The following LPCAT1 variants were observed in gnomAD, a reference collection of about 807,000 sequenced individuals.
The protein encoded by LPCAT1 is 1-acylglycerol-3-phosphate O-acyltransferase.
Under a neutral mutation model 60.9 loss-of-function variants are expected in LPCAT1, and 23 were observed. The ratio of observed to expected loss-of-function variants is 0.38; its 90% CI spans 0.27 to 0.53. The LOEUF (loss-of-function observed/expected upper bound fraction) is 0.53, where lower values mean the gene tolerates loss of function less well. LPCAT1 is among the 20% of genes least tolerant of loss of function. LPCAT1 has a pLI of 0.82. For synonymous variants in LPCAT1, 340 were observed against 301.1 expected (o/e 1.13, Z -1.34); for missense variants, 622 against 723.6 (o/e 0.86, Z 1.61).
rs116823453 is a variant in LPCAT1 at position 1,477,673 on chromosome 5, C to T, written c.817-187G>A. ...ACCCCCATGATGCATGAACTGCACACGTGTGCACCTGAACACTCACCCTCA... is the reference window on the plus strand; with the variant it reads ...ACCCCCATGATGCATGAACTGCACATGTGTGCACCTGAACACTCACCCTCA... On this transcript the variant is annotated intron_variant, in intron 8 of 13. Transcript: ENST00000283415. The surrounding 1 kb of genome is among the most constrained non-coding windows in gnomAD (Gnocchi z 6.0). 3.7e-4 allele frequency among the ~76,000 whole-genome samples: 57 copies of T among 152,358 alleles called. No homozygotes were observed. Among genetic ancestry groups the T allele is most frequent in the African/African-American group, 1.3e-3 (56 of 41,584 alleles).
In LPCAT1 at chr5:1,501,583, C is replaced by A. The variant is rs139981388; in HGVS notation, c.156G>T (p.Thr52=). Residue 52 remains threonine, a synonymous_variant, in exon 2 of 14, where the codon ACG becomes ACT. Transcript: ENST00000283415. ...QKAQVALMTL[T]LFPVRLLVAA... Reference sequence around the variant, plus strand: ...CAACCAGGAGCCGGACCGGGAAGAGCGTCAGTGTCATGAGGGCCACCTGCA... The same window carrying A: ...CAACCAGGAGCCGGACCGGGAAGAGAGTCAGTGTCATGAGGGCCACCTGCA... The A allele has an allele frequency of 3.7e-6, 6 of 1,613,836 alleles. No individual in the cohort carries two copies. In the South Asian group the frequency reaches 4.4e-5, roughly 12 times the overall value.
chr5:1,464,618 A>T (rs1157530201), intron 13 of LPCAT1, among the ~76,000 whole-genome samples: 1 of 151,520 alleles, frequency 6.6e-6, no homozygotes, highest in Admixed American at 6.6e-5. Flanking sequence ...CAAAACAAGC[A>T]CACACACGGT....
At chr5:1,508,878 C>T (rs774802449) in intron 1 of LPCAT1, among the ~76,000 whole-genome samples, 2 of 152,220 alleles carry the variant, frequency 1.3e-5, no homozygotes, top group East Asian at 1.9e-4. Context: ...CCACCAGGGC[C>T]GTAAGCAGCC....
intron 2 of LPCAT1, among the ~76,000 whole-genome samples, chr5:1,501,169 C>T (rs866154435): frequency 6.6e-6 from 1 of 152,176 alleles, no homozygotes; most frequent in Non-Finnish European, 1.5e-5. Context: ...GAGAAGGCTA[C>T]GGTGTAGGGG....
intron 5 of LPCAT1, among the ~76,000 whole-genome samples, 186 bp downstream of exon 5, chr5:1,488,205 A>G (rs1406014049): frequency 2.0e-5 from 3 of 152,188 alleles, no homozygotes; most frequent in Non-Finnish European, 2.9e-5. Flanking sequence ...TCCTGCAAAC[A>G]TGATAATCCT....
At chr5:1,520,628 A>C (rs1219864261) in intron 1 of LPCAT1, among the ~76,000 whole-genome samples, 1 of 152,144 alleles carries the variant, frequency 6.6e-6, no homozygotes, top group Non-Finnish European at 1.5e-5. Flanking sequence ...TGGGAGGCCG[A>C]GGCGGGAGGA....
At position 1,483,373 on chromosome 5, in the gene LPCAT1, T is replaced by C; in HGVS notation, c.726+55A>G. ...ACAGGTGCACAGAGGCAGCTCGCAG[T>C]TCCCGTTTCCCGGAGAATTCCCCTG... On this transcript the variant is annotated intron_variant, in intron 6 of 13. Transcript: ENST00000283415. This position sits in a 1 kb window ranked among gnomAD's most constrained non-coding sequence, Gnocchi z 9.2. 1 of 1,572,514 alleles carries C rather than the reference T, an allele frequency of 6.4e-7. No individual in the cohort carries two copies.
At chr5:1,499,310 G>T (rs560779378) in intron 2 of LPCAT1, among the ~76,000 whole-genome samples, 1 of 152,278 alleles carries the variant, frequency 6.6e-6, no homozygotes, top group Admixed American at 6.5e-5. Flanking sequence ...GGCCCAACAA[G>T]GACATGGGGA....
At chr5:1,512,851 A>C (rs1736397177) in intron 1 of LPCAT1, among the ~76,000 whole-genome samples, 1 of 152,262 alleles carries the variant, frequency 6.6e-6, no homozygotes, top group African/African-American at 2.4e-5. Context: ...GAGCACCTGC[A>C]ATGTGCACTC....
intron 5 of LPCAT1, among the ~76,000 whole-genome samples, chr5:1,486,647 A>G (rs1735381782): frequency 6.6e-6 from 1 of 152,102 alleles, no homozygotes; most frequent in Non-Finnish European, 1.5e-5. Flanking sequence ...ACGGCTCTGG[A>G]GGGCTCCACC....
chr5:1,483,968 G>A lies in LPCAT1; in HGVS notation c.668-482C>T, dbSNP rs1028270662. On this transcript the variant is annotated intron_variant, in intron 5 of 13. Coordinates refer to ENST00000283415, the MANE Select transcript of LPCAT1 (RefSeq NM_024830.5). The surrounding 1 kb of genome is among the most constrained non-coding windows in gnomAD (Gnocchi z 9.2). The stretch of plus-strand genomic sequence containing the variant: ...AGCTGGAAGGCGTTGGTGGGAAGTG[G>A]GGGTCCTCATCACCGGCCAATGCTC... Among the ~76,000 whole-genome samples the A allele has an allele frequency of 1.3e-5, 2 of 152,224 alleles. No homozygotes were observed. Among genetic ancestry groups the A allele is most frequent in the Non-Finnish European group, 2.9e-5 (2 of 68,040 alleles).
chr5:1,469,564 G>T (rs1276759180), intron 12 of LPCAT1, among the ~76,000 whole-genome samples: 1 of 152,150 alleles, frequency 6.6e-6, no homozygotes, highest in African/African-American at 2.4e-5. Flanking sequence ...ATCACTTGAG[G>T]CCAGGAGTTT....
At position 1,483,837 on chromosome 5, in the gene LPCAT1, C is replaced by T. The variant is rs934194855; in HGVS notation, c.668-351G>A. On this transcript the variant is annotated intron_variant, in intron 5 of 13. Transcript: ENST00000283415. This position sits in a 1 kb window ranked among gnomAD's most constrained non-coding sequence, Gnocchi z 9.2. ...AGGGACACTTTCTGCTGTAACATCG[C>T]GCACCAGCTGGAAGGCGTCTGTGGA... Among the ~76,000 whole-genome samples, 14 of 146,606 alleles carry T rather than the reference C, an allele frequency of 9.5e-5. No homozygotes were observed. The highest frequency in any genetic ancestry group is 1.8e-4 in the Non-Finnish European group (12 of 67,076).
At chr5:1,516,904 C>T (rs937219627) in intron 1 of LPCAT1, among the ~76,000 whole-genome samples, 1 of 152,158 alleles carries the variant, frequency 6.6e-6, no homozygotes, top group Non-Finnish European at 1.5e-5. Context: ...AGAACAGCAC[C>T]TCACCTTTAA....
rs1047455382 is a variant in LPCAT1 at position 1,494,823 on chromosome 5, G to A, written c.370C>T (p.Pro124Ser). The change falls in exon 3 of 14, where the codon CCC becomes TCC. Residue 124 changes from proline (P) to serine (S), a missense_variant. Transcript: ENST00000283415. ...AGCGTGAGGATGGCCGCCTCGGTGGGCAGCGCCTGCCGCCCCTTCACGGCC... is the reference window on the plus strand; with the variant it reads ...AGCGTGAGGATGGCCGCCTCGGTGGACAGCGCCTGCCGCCCCTTCACGGCC... Reference protein sequence around the residue: ...RVAVKGRQALPTEAAILTLAP... With the variant: ...RVAVKGRQALSTEAAILTLAP... The A allele has an allele frequency of 6.2e-7, 1 of 1,613,468 alleles. No homozygotes were observed. The highest frequency in any genetic ancestry group is 8.5e-7 in the Non-Finnish European group (1 of 1,179,908).
At chr5:1,504,774 T>C (rs376645399) in intron 1 of LPCAT1, among the ~76,000 whole-genome samples, 4 of 150,624 alleles carry the variant, frequency 2.7e-5, no homozygotes, top group East Asian at 3.9e-4. Context: ...TTCCCATAAA[T>C]TGTTCTTAGA....
At position 1,463,443 on chromosome 5, in the gene LPCAT1, C is replaced by G; in HGVS notation, c.*208G>C. 1.6e-6 allele frequency: 1 copy of G among 606,974 alleles called. No homozygotes were observed. The highest frequency in any genetic ancestry group is 2.8e-6 in the Non-Finnish European group (1 of 359,046). The allele number at this position is 606,974 out of a possible 1,614,324, so 37.6% of individuals were successfully genotyped here. ...CCAGGCGGGGGATCCGCGTGCGCGC[C>G]CTCCGATTCTCGCACAGTAAGCGTC... On this transcript the variant is annotated 3_prime_UTR_variant, in exon 14 of 14. Coordinates refer to ENST00000283415, the MANE Select transcript of LPCAT1 (RefSeq NM_024830.5).
chr5:1,520,844 C>G (rs1579821793), intron 1 of LPCAT1, among the ~76,000 whole-genome samples: 2 of 110,450 alleles, frequency 1.8e-5, no homozygotes, highest in African/African-American at 3.7e-5. Context: ...GCCTGGGCGA[C>G]AGAGAGAGAC....
rs1377078487 is a variant in LPCAT1, at chr5:1,470,828, T to C, written c.1276A>G (p.Lys426Glu). The C allele has an allele frequency of 6.2e-7, 1 of 1,613,480 alleles. No individual in the cohort carries two copies. The highest frequency in any genetic ancestry group is 1.1e-5 in the South Asian group (1 of 91,060). Residue 426 changes from lysine to glutamate, a missense_variant and splice_region_variant, in exon 12 of 14, where the codon AAG (lysine) becomes GAG (glutamate). By Grantham distance (56) the Lys-to-Glu change is moderately conservative. This residue lies in a region of LPCAT1 where 288 missense variants were observed against 283.6 expected (regional missense o/e 1.02). Coordinates refer to ENST00000283415, the MANE Select transcript of LPCAT1 (RefSeq NM_024830.5). ...RTLDTIQLAFKMYGAQEDGSV... is the reference protein window; with the variant it reads ...RTLDTIQLAFEMYGAQEDGSV... ...ACCCATGTGAACTCTGCACTCACCT[T>C]GAAAGCCAGCTGGATGGTGTCCAGG... is the stretch of plus-strand genomic sequence containing the variant.
Sources: gnomAD v4.1 joint callset for allele counts (sites outside exome capture counted in the v4.1 genomes callset) on GRCh38, gnomAD v4.1.1 for gene constraint, gnomAD v4.1.1 regional missense constraint, Gnocchi (gnomAD v3.1) non-coding constraint, MANE v1.5 for transcripts, NCBI Gene and HGNC (gene_info 2026-07-23, HGNC 2026-07-21) for gene names.